The following TXNDC11 variants were observed in gnomAD, a reference collection of about 807,000 sequenced individuals.
The protein encoded by TXNDC11 is thioredoxin domain containing 11, also known as thioredoxin domain-containing protein 11.
Under a neutral mutation model 78.0 loss-of-function variants are expected in TXNDC11, and 68 were observed. The observed-to-expected ratio is 0.87, with a 90% confidence interval of 0.72 to 1.07. The LOEUF is 1.07. Among genes scored for constraint, TXNDC11 ranks in the 50% least tolerant of loss-of-function variants. TXNDC11 has a pLI of 0.00. For missense variants in TXNDC11, 1,389 were observed against 1,221.8 expected (o/e 1.14, Z -2.04); for synonymous variants, 571 against 495.2 (o/e 1.15, Z -2.03).
At chr16:11,688,503 C>T in intron 8 of TXNDC11, 58 bp from the exon 9 acceptor site, 1 of 1,412,764 alleles carries the variant, frequency 7.1e-7, no homozygotes, top group African/African-American at 1.4e-5. Flanking sequence ...GAATAGCTGG[C>T]CTACTTTTAA....
intron 7 of TXNDC11, 55 bp downstream of exon 7, chr16:11,698,070 G>T: frequency 6.5e-7 from 1 of 1,539,484 alleles, no homozygotes; most frequent in Non-Finnish European, 9.0e-7. Context: ...AGAGGAGCCA[G>T]GTAGATGAGG....
chr16:11,733,004 T>C (rs1260599938), intron 3 of TXNDC11, among the ~76,000 whole-genome samples: 1 of 152,166 alleles, frequency 6.6e-6, no homozygotes, highest in Non-Finnish European at 1.5e-5. Flanking sequence ...TTTTTAGACA[T>C]TACTTATCAT....
intron 8 of TXNDC11, 97 bp from the exon 9 acceptor site, chr16:11,688,542 T>C (rs2050627003): frequency 9.8e-7 from 1 of 1,016,236 alleles, no homozygotes; most frequent in Non-Finnish European, 1.4e-6. Flanking sequence ...TCAAATGACT[T>C]CATAGGCTCA....
chr16:11,709,712 G>T (rs1052005244), intron 5 of TXNDC11, among the ~76,000 whole-genome samples: 3 of 152,016 alleles, frequency 2.0e-5, no homozygotes, highest in African/African-American at 7.2e-5. Context: ...TGGGATTACA[G>T]GCGTGAGCCA....
In TXNDC11 at chr16:11,698,336, C is replaced by G; in HGVS notation, c.907-11G>C. The G allele has an allele frequency of 6.2e-7, 1 of 1,612,308 alleles. No individual in the cohort carries two copies. ...CTCCCTGGGGAAGACCTGTGAAGGA[C>G]AAAGGCACAGAGGATAAAGGAGAGC... is the stretch of plus-strand genomic sequence containing the variant. On this transcript the variant is annotated splice_polypyrimidine_tract_variant and intron_variant, in intron 6 of 11. Coordinates refer to ENST00000283033, the MANE Select transcript of TXNDC11 (RefSeq NM_015914.7).
intron 7 of TXNDC11, among the ~76,000 whole-genome samples, chr16:11,694,328 C>T (rs979385700): frequency 1.1e-4 from 17 of 151,868 alleles, no homozygotes; most frequent in African/African-American, 3.9e-4. Flanking sequence ...TTAGGAGAGA[C>T]GAGATTTCAC....
chr16:11,705,081 G>C (rs1238196827), intron 5 of TXNDC11, among the ~76,000 whole-genome samples: 1 of 151,990 alleles, frequency 6.6e-6, no homozygotes, highest in Non-Finnish European at 1.5e-5. Context: ...ATTTTTAGTA[G>C]AGACAAGGTT....
In TXNDC11 at chr16:11,724,816, G is replaced by A. The variant is rs774532337; in HGVS notation, c.700-3146C>T. Reference sequence around the variant, plus strand: ...GCTGGCGTGCAGTGGCGTGATCTCCGCTCACTGCAACCTCTGACTCACAGG... The same window carrying A: ...GCTGGCGTGCAGTGGCGTGATCTCCACTCACTGCAACCTCTGACTCACAGG... On this transcript the variant is annotated intron_variant, in intron 4 of 11. Coordinates refer to ENST00000283033, the MANE Select transcript of TXNDC11 (RefSeq NM_015914.7). Among the ~76,000 whole-genome samples the A allele has an allele frequency of 3.3e-5, 5 of 152,170 alleles. No individual in the cohort carries two copies. The South Asian group carries it at 8.3e-4, about 25-fold the overall frequency.
At chr16:11,728,823 A>C (rs2051959338) in intron 4 of TXNDC11, among the ~76,000 whole-genome samples, 1 of 151,740 alleles carries the variant, frequency 6.6e-6, no homozygotes. Flanking sequence ...AACATGGTGA[A>C]ACCCCATCTC....
At chr16:11,711,427 C>T (rs1416341051) in intron 5 of TXNDC11, among the ~76,000 whole-genome samples, 4 of 152,216 alleles carry the variant, frequency 2.6e-5, no homozygotes, top group Admixed American at 6.5e-5. Context: ...AAGTCATGTT[C>T]CTTTGGGAGG....
chr16:11,693,629 A>G (rs1597420931), intron 7 of TXNDC11, among the ~76,000 whole-genome samples: 1 of 152,374 alleles, frequency 6.6e-6, no homozygotes, highest in African/African-American at 2.4e-5. Flanking sequence ...TTGTTTCAAT[A>G]GTTCTCGGCA....
At chr16:11,701,969 G>T (rs985248138) in intron 5 of TXNDC11, among the ~76,000 whole-genome samples, 9 of 151,168 alleles carry the variant, frequency 6.0e-5, no homozygotes, top group South Asian at 4.2e-4. Context: ...AAACAATGAG[G>T]CAGGACTATA....
intron 11 of TXNDC11, among the ~76,000 whole-genome samples, chr16:11,682,196 AT>A (rs1225376967): frequency 1.3e-5 from 2 of 152,220 alleles, no homozygotes; most frequent in African/African-American, 4.8e-5. Flanking sequence ...CTGCTTGCCC[AT>A]TTACCTTCTG....
intron 4 of TXNDC11, among the ~76,000 whole-genome samples, chr16:11,729,459 A>G (rs2141108659): frequency 1.1e-5 from 1 of 93,820 alleles, no homozygotes; most frequent in African/African-American, 5.1e-5. Flanking sequence ...TAGTTAACAC[A>G]TATGTAGTTT....
chr16:11,711,404 C>T (rs966107211), intron 5 of TXNDC11, among the ~76,000 whole-genome samples: 1 of 152,192 alleles, frequency 6.6e-6, no homozygotes, highest in South Asian at 2.1e-4. Context: ...AAAATCAACC[C>T]TGGCCTGTTA....
chr16:11,733,056 G>C (rs538656708), intron 3 of TXNDC11, among the ~76,000 whole-genome samples: 9 of 152,022 alleles, frequency 5.9e-5, no homozygotes. Context: ...AGCCTAGGTC[G>C]AGACCAGCCT....
In TXNDC11 at chr16:11,679,909, T is replaced by G; in HGVS notation, c.2235-72A>C. ...AATGAGTCCAAAAGCAGGCTGTACC[T>G]GAGGCCAGGCCATCTACTTCTCACC... On this transcript the variant is annotated intron_variant, in intron 11 of 11. Coordinates refer to ENST00000283033, the MANE Select transcript of TXNDC11 (RefSeq NM_015914.7). This position sits in a 1 kb window ranked among gnomAD's most constrained non-coding sequence, Gnocchi z 4.6. 4.5e-6 allele frequency: 6 copies of G among 1,335,804 alleles called. No homozygotes were observed. Among genetic ancestry groups the G allele is most frequent in the Admixed American group, 2.0e-5 (1 of 49,100 alleles). The allele number at this position is 1,335,804 out of a possible 1,614,324, so 82.7% of individuals were successfully genotyped here.
At chr16:11,696,019 C>G (rs2142004913) in intron 7 of TXNDC11, among the ~76,000 whole-genome samples, 1 of 146,694 alleles carries the variant, frequency 6.8e-6, no homozygotes, top group South Asian at 2.1e-4. Context: ...AAGGAAGACC[C>G]TAACTCAAAA....
intron 5 of TXNDC11, among the ~76,000 whole-genome samples, chr16:11,704,111 A>G (rs1054904494): frequency 6.6e-6 from 1 of 152,188 alleles, no homozygotes; most frequent in African/African-American, 2.4e-5. Flanking sequence ...TAAATGAAGT[A>G]AAGAAGTGCT....
Sources: gnomAD v4.1 joint callset for allele counts (sites outside exome capture counted in the v4.1 genomes callset) on GRCh38, gnomAD v4.1.1 for gene constraint, Gnocchi (gnomAD v3.1) non-coding constraint, MANE v1.5 for transcripts, NCBI Gene and HGNC (gene_info 2026-07-23, HGNC 2026-07-21) for gene names.